LRRC37A2: variants seen among roughly 807,000 people sequenced by gnomAD.
The protein encoded by LRRC37A2 is leucine rich repeat containing 37 member A2.
In LRRC37A2, 9 loss-of-function variants were observed where a neutral mutation model predicts 68.8. The observed-to-expected ratio is 0.13, with a 90% CI of 0.08 to 0.23. The LOEUF is 0.23. Ranked by LOEUF, LRRC37A2 falls within the 10% of genes least tolerant of loss-of-function variation. LRRC37A2 has a pLI of 1.00. For synonymous variants in LRRC37A2, 63 were observed against 367.6 expected (o/e 0.17, Z 9.48); for missense variants, 168 against 950.4 (o/e 0.18, Z 10.82).
At chr17:46,847,773 C>T in the LRRC37A2 span, among the ~76,000 whole-genome samples, 7 of 152,304 alleles carry the variant, frequency 4.6e-5, no homozygotes, top group East Asian at 1.4e-3. Context: ...TGGGAAGCCG[C>T]ATTTCCACTT....
the LRRC37A2 span, among the ~76,000 whole-genome samples, chr17:46,723,505 A>C: frequency 6.6e-6 from 1 of 152,238 alleles, no homozygotes; most frequent in African/African-American, 2.4e-5. Context: ...ATTGTGTATC[A>C]AGAGACTGAA....
At chr17:46,750,366 C>G in the LRRC37A2 span, among the ~76,000 whole-genome samples, 4 of 152,052 alleles carry the variant, frequency 2.6e-5, no homozygotes, top group Non-Finnish European at 5.9e-5. Context: ...CAAAAAATGC[C>G]TAGGACCAGA....
chr17:46,377,650 A>C, the LRRC37A2 span, among the ~76,000 whole-genome samples: 1 of 61,296 alleles, frequency 1.6e-5, no homozygotes, highest in East Asian at 2.3e-4. Flanking sequence ...GCTCACTGCA[A>C]CCTCTGCCTC....
At chr17:46,681,703 T>C in the LRRC37A2 span, among the ~76,000 whole-genome samples, 1 of 53,992 alleles carries the variant, frequency 1.9e-5, no homozygotes, top group Non-Finnish European at 3.2e-5. Context: ...CTTAATTGTT[T>C]CAATTTTATA....
At chr17:47,005,379 G>C in the LRRC37A2 span, among the ~76,000 whole-genome samples, 8 of 152,168 alleles carry the variant, frequency 5.3e-5, no homozygotes, top group African/African-American at 1.9e-4. Context: ...TTTGATTCTT[G>C]GTTCAGCTTC....
the LRRC37A2 span, among the ~76,000 whole-genome samples, chr17:46,799,446 CTTTT>C: frequency 2.5e-5 from 3 of 121,558 alleles, no homozygotes; most frequent in East Asian, 2.3e-4. Flanking sequence ...ATTATTTCTA[CTTTT>C]TTTTTTTTTT....
At chr17:46,533,397 ACCCCCTC>A (rs2054011266) in intron 6 of LRRC37A2, among the ~76,000 whole-genome samples, 2 of 104,014 alleles carry the variant, frequency 1.9e-5, no homozygotes, top group South Asian at 5.8e-4. Flanking sequence ...CTCCACTCTC[ACCCCCTC>A]CTTTATACTG....
At chr17:46,575,541 C>T in the LRRC37A2 span, among the ~76,000 whole-genome samples, 4 of 121,426 alleles carry the variant, frequency 3.3e-5, no homozygotes, top group Admixed American at 1.7e-4. Flanking sequence ...ACACTAGCTG[C>T]GAGGAATGAG....
chr17:46,490,212 C>A, the LRRC37A2 span, among the ~76,000 whole-genome samples: 78 of 151,286 alleles, frequency 5.2e-4, no homozygotes, highest in East Asian at 0.011. Context: ...CTGCTCAGCT[C>A]GGCCCTGGTA....
At chr17:46,790,522 AC>A in the LRRC37A2 span, among the ~76,000 whole-genome samples, 18 of 152,032 alleles carry the variant, frequency 1.2e-4, no homozygotes, top group Middle Eastern at 3.4e-3. Context: ...CCACAGCCCC[AC>A]CCTGGGTCCA....
chr17:47,040,596 C>T, the LRRC37A2 span, among the ~76,000 whole-genome samples: 1 of 102,514 alleles, frequency 9.8e-6, no homozygotes. Context: ...GGTTAGCTTA[C>T]CGATCAGCTA....
At chr17:46,907,693 A>AAC in the LRRC37A2 span, among the ~76,000 whole-genome samples, 384 of 135,540 alleles carry the variant, frequency 2.8e-3, 21 homozygotes, top group Non-Finnish European at 3.5e-3. Flanking sequence ...AAAAAACAAA[A>AAC]AACCCAAAAT....
At chr17:46,870,555 G>A in the LRRC37A2 span, among the ~76,000 whole-genome samples, 1 of 152,246 alleles carries the variant, frequency 6.6e-6, no homozygotes, top group African/African-American at 2.4e-5. Context: ...ATCTGTCTCT[G>A]CTCGGAGGTT....
chr17:46,842,654 T>C, the LRRC37A2 span, among the ~76,000 whole-genome samples: 1 of 152,234 alleles, frequency 6.6e-6, no homozygotes, highest in Non-Finnish European at 1.5e-5. Flanking sequence ...ATTACAGGCA[T>C]GAGCCACCGT....
At chr17:46,965,811 T>TTG in the LRRC37A2 span, among the ~76,000 whole-genome samples, 1 of 150,558 alleles carries the variant, frequency 6.6e-6, no homozygotes, top group African/African-American at 2.4e-5. Context: ...TTTTTTTTTT[T>TTG]GTAGAGGCGG....
chr17:46,389,014 G>A, the LRRC37A2 span, among the ~76,000 whole-genome samples: 13 of 78,182 alleles, frequency 1.7e-4, no homozygotes, highest in South Asian at 1.3e-3. Flanking sequence ...TGGCCAACAC[G>A]GCCAGCTGGC....
the LRRC37A2 span, among the ~76,000 whole-genome samples, chr17:46,778,513 A>G: frequency 2.0e-5 from 3 of 152,100 alleles, no homozygotes; most frequent in Admixed American, 6.5e-5. Flanking sequence ...CCCTTCCCCA[A>G]ACATGCCCGG....
chr17:46,940,805 C>A, the LRRC37A2 span: 2 of 1,482,306 alleles, frequency 1.3e-6, no homozygotes, highest in Non-Finnish European at 1.8e-6. Context: ...GTTTTTGGGT[C>A]TTTACCACCT....
chr17:46,968,851 C>G, the LRRC37A2 span: 1 of 152,386 alleles, frequency 6.6e-6, no homozygotes, highest in South Asian at 2.1e-4. Flanking sequence ...TGGGACCTGT[C>G]CAGACCCCCA....
Sources: allele counts gnomAD v4.1 joint callset (sites outside exome capture counted in the v4.1 genomes callset), GRCh38; gene constraint gnomAD v4.1.1; transcripts MANE v1.5; gene names NCBI Gene and HGNC (gene_info 2026-07-23, HGNC 2026-07-21).